DTNBP1: variants seen among roughly 807,000 people sequenced by gnomAD.
DTNBP1 encodes dysbindin.
In DTNBP1, 35 loss-of-function variants were observed where a neutral mutation model predicts 42.8. The ratio of observed to expected loss-of-function variants is 0.82; its 90% confidence interval spans 0.63 to 1.09. DTNBP1 has a LOEUF of 1.09. DTNBP1 is among the 50% of genes least tolerant of loss of function. The pLI is 0.00. For missense variants in DTNBP1, 457 were observed against 424.2 expected, an observed-to-expected ratio of 1.08 and a Z score of -0.68; for synonymous variants, 171 against 162.2, an observed-to-expected ratio of 1.05 and a Z score of -0.41.
chr6:15,614,644 C>T (rs1287236802), intron 6 of DTNBP1, among the ~76,000 whole-genome samples: 1 of 152,194 alleles, frequency 6.6e-6, no homozygotes, highest in East Asian at 1.9e-4. Context: ...GACTCCTTTT[C>T]CATCTCCAGT....
At chr6:15,657,059 A>G (rs1056976981) in intron 1 of DTNBP1, among the ~76,000 whole-genome samples, 2 of 152,324 alleles carry the variant, frequency 1.3e-5, no homozygotes, top group African/African-American at 4.8e-5. Flanking sequence ...CAAAGCCTCA[A>G]TCACACTTAA....
At chr6:15,561,888 C>A (rs1774861882) in intron 7 of DTNBP1, among the ~76,000 whole-genome samples, 1 of 152,232 alleles carries the variant, frequency 6.6e-6, no homozygotes, top group South Asian at 2.1e-4. Flanking sequence ...GACCTCTGGT[C>A]ATCCTCACTG....
At chr6:15,610,983 T>C (rs1758360686) in intron 6 of DTNBP1, among the ~76,000 whole-genome samples, 1 of 152,244 alleles carries the variant, frequency 6.6e-6, no homozygotes, top group South Asian at 2.1e-4. Context: ...AAGGTGGCTA[T>C]GCTAAACAGC....
chr6:15,602,761 G>A (rs1052006309), intron 6 of DTNBP1, among the ~76,000 whole-genome samples: 1 of 152,052 alleles, frequency 6.6e-6, no homozygotes. Context: ...AACTTTTCTC[G>A]AGATTGCTAT....
chr6:15,652,510 A>G (rs918321234), intron 1 of DTNBP1, among the ~76,000 whole-genome samples: 5 of 151,652 alleles, frequency 3.3e-5, no homozygotes, highest in African/African-American at 1.2e-4. Context: ...AAATTTTCAC[A>G]TGTTAAAATT....
intron 6 of DTNBP1, among the ~76,000 whole-genome samples, chr6:15,602,110 T>C (rs181401635): frequency 6.6e-6 from 1 of 151,982 alleles, no homozygotes; most frequent in African/African-American, 2.4e-5. Flanking sequence ...CAAAAAACTA[T>C]CTCCAGTAGC....
intron 7 of DTNBP1, among the ~76,000 whole-genome samples, chr6:15,583,792 T>C (rs1775938931): frequency 6.6e-6 from 1 of 152,220 alleles, no homozygotes; most frequent in Non-Finnish European, 1.5e-5. Context: ...ATTGCTATAA[T>C]TATTGATCAT....
chr6:15,524,818 C>G, intron 8 of DTNBP1, 149 bp from the exon 9 acceptor site: 7 of 1,228,152 alleles, frequency 5.7e-6, no homozygotes, highest in Non-Finnish European at 3.4e-6. Context: ...ATGACATATG[C>G]CAGTCTGGCA....
intron 9 of DTNBP1, 172 bp downstream of exon 9, chr6:15,524,354 G>A (rs1772192392): frequency 1.2e-6 from 2 of 1,613,152 alleles, no homozygotes; most frequent in Non-Finnish European, 1.7e-6. Context: ...CCACACCACT[G>A]TTGCAGCTGC....
intron 8 of DTNBP1, among the ~76,000 whole-genome samples, chr6:15,531,107 G>C (rs898998319): frequency 2.0e-5 from 3 of 152,158 alleles, no homozygotes; most frequent in African/African-American, 7.2e-5. Context: ...AGGGAGAAGG[G>C]GGCCGTCTAT....
chr6:15,575,373 C>T (rs773264472), intron 7 of DTNBP1, among the ~76,000 whole-genome samples: 1 of 152,130 alleles, frequency 6.6e-6, no homozygotes, highest in Non-Finnish European at 1.5e-5. Context: ...AACCAAATAA[C>T]CCACTCTTCC....
At chr6:15,646,475 T>A (rs772013288) in intron 3 of DTNBP1, among the ~76,000 whole-genome samples, 2 of 151,104 alleles carry the variant, frequency 1.3e-5, no homozygotes, top group African/African-American at 4.9e-5. Flanking sequence ...GCAATTCCCA[T>A]CAAATTACCA....
chr6:15,584,359 T>C (rs1209150492), intron 7 of DTNBP1, among the ~76,000 whole-genome samples: 1 of 152,136 alleles, frequency 6.6e-6, no homozygotes, highest in Non-Finnish European at 1.5e-5. Context: ...AGAGAAAATA[T>C]GTCATTTATC....
At chr6:15,583,221 G>A (rs944254984) in intron 7 of DTNBP1, among the ~76,000 whole-genome samples, 1 of 152,122 alleles carries the variant, frequency 6.6e-6, no homozygotes, top group Non-Finnish European at 1.5e-5. Flanking sequence ...GGTCTCAAGC[G>A]ATCCTCCTGC....
chr6:15,638,601 G>T (rs1760159720), intron 3 of DTNBP1, among the ~76,000 whole-genome samples: 2 of 152,284 alleles, frequency 1.3e-5, no homozygotes, highest in South Asian at 4.2e-4. Flanking sequence ...AACTAAAAGT[G>T]AGAAAACAGT....
chr6:15,541,767 G>T (rs193092950), intron 7 of DTNBP1, among the ~76,000 whole-genome samples: 6 of 151,980 alleles, frequency 3.9e-5, no homozygotes, highest in Non-Finnish European at 7.4e-5. Flanking sequence ...TCAATTATAC[G>T]TTTTAATGGG....
At chr6:15,580,518 T>C (rs937959009) in intron 7 of DTNBP1, among the ~76,000 whole-genome samples, 1 of 152,040 alleles carries the variant, frequency 6.6e-6, no homozygotes, top group African/African-American at 2.4e-5. Context: ...TTTCCAACAA[T>C]AGGAAAACAG....
At chr6:15,572,514 T>C (rs1775380817) in intron 7 of DTNBP1, among the ~76,000 whole-genome samples, 1 of 152,264 alleles carries the variant, frequency 6.6e-6, no homozygotes, top group Admixed American at 6.5e-5. Context: ...CTTGTCTCTG[T>C]AGTAATAATA....
Position 15,522,819 on chromosome 6 carries a change from A to G in DTNBP1, c.*156T>C, listed in dbSNP as rs2127783849. 7.5e-7 allele frequency: 1 copy of G among 1,335,488 alleles called. No homozygotes were observed. The highest frequency in any genetic ancestry group is 1.0e-6 in the Non-Finnish European group (1 of 954,036). 82.7% of individuals were successfully genotyped at this position (1,335,488 alleles called of 1,614,324 possible). Reference sequence around the variant, plus strand: ...TGTGCGCTCTCAGTTTACCGTCCTCACACTTTATTGTTAGCTGTTCTTTAA... The same window carrying G: ...TGTGCGCTCTCAGTTTACCGTCCTCGCACTTTATTGTTAGCTGTTCTTTAA... On this transcript the variant is annotated 3_prime_UTR_variant, in exon 10 of 10. Coordinates refer to ENST00000344537, the MANE Select transcript of DTNBP1 (RefSeq NM_032122.5).
Sources: allele counts gnomAD v4.1 joint callset (sites outside exome capture counted in the v4.1 genomes callset), GRCh38; gene constraint gnomAD v4.1.1; transcripts MANE v1.5; gene names NCBI Gene and HGNC (gene_info 2026-07-23, HGNC 2026-07-21).